PDK1: variants seen among roughly 807,000 people sequenced by gnomAD.
The protein encoded by PDK1 is [Pyruvate dehydrogenase (acetyl-transferring)] kinase isozyme 1, mitochondrial.
A neutral mutation model predicts 54.2 loss-of-function variants in PDK1; 39 were observed. That is an observed-to-expected ratio of 0.72 (90% CI 0.56 to 0.94). The LOEUF is 0.94. Among genes scored for constraint, PDK1 ranks in the 40% least tolerant of loss-of-function variants. The probability of loss-of-function intolerance (pLI) is 0.00; values close to 1 mark genes in which losing one functional copy is unlikely to be tolerated. For missense variants in PDK1, 552 were observed against 566.0 expected, an observed-to-expected ratio of 0.98 and a Z score of 0.25; for synonymous variants, 221 against 207.1, an observed-to-expected ratio of 1.07 and a Z score of -0.58.
chr2:172,679,473 A>G, the PDK1 span, among the ~76,000 whole-genome samples: 21 of 152,300 alleles, frequency 1.4e-4, no homozygotes, highest in Non-Finnish European at 2.2e-4. Context: ...CAACAAAAGA[A>G]TATTTTATTT....
the PDK1 span, among the ~76,000 whole-genome samples, chr2:172,690,498 T>G: frequency 1.3e-5 from 2 of 150,338 alleles, no homozygotes; most frequent in Non-Finnish European, 3.0e-5. Context: ...ATCCCATTAC[T>G]GGGTATATAC....
At chr2:172,634,917 TCATGAAGGAACTCTTTTCAGAATGTCAA>T in the PDK1 span, among the ~76,000 whole-genome samples, 1 of 152,228 alleles carries the variant, frequency 6.6e-6, no homozygotes, top group Non-Finnish European at 1.5e-5. Context: ...TAATTGCATT[TCATGAAGGAACTCTTTTCAGAATGTCAA>T]CATTCTTTAT....
At chr2:172,568,247 G>A (rs1283727006) in intron 6 of PDK1, among the ~76,000 whole-genome samples, 2 of 143,516 alleles carry the variant, frequency 1.4e-5, no homozygotes, top group Non-Finnish European at 3.0e-5. Context: ...AGAATTGCTT[G>A]AACCTGGGAA....
intron 9 of PDK1, among the ~76,000 whole-genome samples, chr2:172,590,926 C>A (rs576027754): frequency 6.6e-6 from 1 of 152,176 alleles, no homozygotes; most frequent in Admixed American, 6.5e-5. Flanking sequence ...CTCCATCCCC[C>A]CTCTAAACAG....
chr2:172,571,362 C>T (rs1393630638), intron 8 of PDK1, among the ~76,000 whole-genome samples: 1 of 152,078 alleles, frequency 6.6e-6, no homozygotes, highest in East Asian at 1.9e-4. Context: ...TCAGGTGGCC[C>T]AGTTTCTTCT....
At chr2:172,560,402 A>G (rs1688593340) in intron 2 of PDK1, among the ~76,000 whole-genome samples, 1 of 152,182 alleles carries the variant, frequency 6.6e-6, no homozygotes, top group Non-Finnish European at 1.5e-5. Flanking sequence ...TCCTGGGCTC[A>G]AGCAGTCCTC....
At chr2:172,641,039 CTG>C in the PDK1 span, among the ~76,000 whole-genome samples, 2 of 143,440 alleles carry the variant, frequency 1.4e-5, no homozygotes, top group African/African-American at 5.2e-5. Context: ...CTTTCTCTTT[CTG>C]TCTCTCTCTT....
chr2:172,615,986 A>C, the PDK1 span, among the ~76,000 whole-genome samples: 10,332 of 152,152 alleles, frequency 0.068, 461 homozygotes, highest in East Asian at 0.22. Flanking sequence ...TTATAGAAGA[A>C]AGCCAGCCAG....
At position 172,564,639 on chromosome 2, in the gene PDK1, C is replaced by A. The variant is rs139326921; in HGVS notation, c.547C>A (p.Arg183=). ...TSQNVQYFLD[R]FYMSRISIRM... ...CCAGAATGTTCAGTACTTTTTGGAT[C>A]GATTCTACATGAGTCGCATTTCAAT... The change falls in exon 4 of 11, where the codon CGA becomes AGA. Residue 183 remains arginine, a synonymous_variant. Transcript: ENST00000282077. 1.2e-6 allele frequency: 2 copies of A among 1,613,986 alleles called. No individual in the cohort carries two copies. Among genetic ancestry groups the A allele is most frequent in the Non-Finnish European group, 1.7e-6 (2 of 1,179,958 alleles).
the PDK1 span, among the ~76,000 whole-genome samples, chr2:172,680,894 G>A: frequency 3.3e-5 from 5 of 152,180 alleles, no homozygotes; most frequent in Admixed American, 1.3e-4. Context: ...GGAAAAACCT[G>A]GGATTGCCAT....
chr2:172,664,426 G>T, the PDK1 span, among the ~76,000 whole-genome samples: 8 of 150,876 alleles, frequency 5.3e-5, no homozygotes, highest in East Asian at 1.6e-3. Flanking sequence ...TTTCCTGGAG[G>T]CTTGAGAGTT....
chr2:172,575,589 A>G (rs1689534347), intron 8 of PDK1, among the ~76,000 whole-genome samples: 1 of 151,784 alleles, frequency 6.6e-6, no homozygotes, highest in African/African-American at 2.4e-5. Context: ...TGGGAAGCCA[A>G]GGCAGGTGGA....
chr2:172,614,898 T>C, the PDK1 span, among the ~76,000 whole-genome samples: 2 of 152,242 alleles, frequency 1.3e-5, no homozygotes, highest in African/African-American at 4.8e-5. Flanking sequence ...GATAACATTT[T>C]TCTGAATTTT....
the PDK1 span, among the ~76,000 whole-genome samples, chr2:172,687,549 T>C: frequency 6.6e-6 from 1 of 152,170 alleles, no homozygotes; most frequent in Non-Finnish European, 1.5e-5. Flanking sequence ...ATCCTCTTTT[T>C]CCCCATTATC....
At chr2:172,687,651 G>T in the PDK1 span, among the ~76,000 whole-genome samples, 1 of 152,086 alleles carries the variant, frequency 6.6e-6, no homozygotes, top group Non-Finnish European at 1.5e-5. Context: ...CATTCCGAGG[G>T]GTCTGAGCGC....
chr2:172,712,201 G>T, the PDK1 span, among the ~76,000 whole-genome samples: 1 of 152,150 alleles, frequency 6.6e-6, no homozygotes, highest in Non-Finnish European at 1.5e-5. Flanking sequence ...AATATAAAAA[G>T]AACAAGATAA....
the PDK1 span, among the ~76,000 whole-genome samples, chr2:172,635,829 G>A: frequency 2.0e-5 from 3 of 152,118 alleles, no homozygotes; most frequent in Non-Finnish European, 4.4e-5. Flanking sequence ...CATTCCAGGG[G>A]CTGTCACTGG....
Position 172,600,047 on chromosome 2 carries a change from T to G in PDK1, c.*4078T>G, listed in dbSNP as rs1691061199. 6.6e-6 allele frequency: 1 copy of G among 152,170 alleles called. No homozygotes were observed. Among genetic ancestry groups the G allele is most frequent in the Admixed American group, 6.5e-5 (1 of 15,276 alleles). The allele number at this position is 152,170 out of a possible 1,614,324, so 9.4% of individuals were successfully genotyped here. On this transcript the variant is annotated 3_prime_UTR_variant, in exon 11 of 11. Transcript: ENST00000282077. ...ATTTGTCACAGATAATATCAGAAAT[T>G]TTGTTGTTTTGATTAAAATGTTGCC...
At chr2:172,622,903 A>G in the PDK1 span, among the ~76,000 whole-genome samples, 4 of 148,212 alleles carry the variant, frequency 2.7e-5, no homozygotes, top group African/African-American at 4.9e-5. Context: ...GTAATATAAT[A>G]TAATATATGT....
Sources: allele counts gnomAD v4.1 joint callset (sites outside exome capture counted in the v4.1 genomes callset), GRCh38; gene constraint gnomAD v4.1.1; transcripts MANE v1.5; gene names NCBI Gene and HGNC (gene_info 2026-07-23, HGNC 2026-07-21).